THSD4: variants seen among roughly 807,000 people sequenced by gnomAD.
The protein encoded by THSD4 is thrombospondin type 1 domain containing 4.
A neutral mutation model predicts 119.0 loss-of-function variants in THSD4; 69 were observed. That is an observed-to-expected ratio of 0.58 (90% confidence interval 0.48 to 0.71). THSD4 has a LOEUF of 0.71. Ranked by LOEUF, THSD4 falls within the 30% of genes least tolerant of loss-of-function variation. THSD4 has a pLI of 0.00. For synonymous variants in THSD4, 524 were observed against 540.4 expected, an observed-to-expected ratio of 0.97 and a Z score of 0.42; for missense variants, 1,393 against 1,391.1, an observed-to-expected ratio of 1.00 and a Z score of -0.02.
chr15:71,403,085 G>T (rs1362911700), intron 6 of THSD4, among the ~76,000 whole-genome samples: 4 of 152,152 alleles, frequency 2.6e-5, no homozygotes, highest in African/African-American at 7.2e-5. Context: ...ACCTGCTCTA[G>T]TCTTTTCCTA....
intron 6 of THSD4, among the ~76,000 whole-genome samples, chr15:71,325,192 G>T (rs975241416): frequency 6.6e-6 from 1 of 152,152 alleles, no homozygotes; most frequent in Admixed American, 6.5e-5. Flanking sequence ...GTTATGTATA[G>T]ATTTGACTTG....
chr15:71,632,277 T>C lies in THSD4; in HGVS notation c.1153-28253T>C, dbSNP rs556485281. On this transcript the variant is annotated intron_variant, in intron 7 of 17. Transcript: ENST00000261862. ...CGTTGCCTGAGTTCTGTACCACCAG[T>C]CACCCTTGGGGTTGAAAAGGAGAGA... Among the ~76,000 whole-genome samples, 29 of 152,300 alleles carry C rather than the reference T, an allele frequency of 1.9e-4. 1 individual carries two copies. In the South Asian group the frequency reaches 6.0e-3, roughly 32 times the overall value.
At chr15:71,745,378 T>G in intron 12 of THSD4, 143 bp downstream of exon 12, 1 of 1,135,976 alleles carries the variant, frequency 8.8e-7, no homozygotes, top group Non-Finnish European at 1.2e-6. Flanking sequence ...GCAGTCTGTT[T>G]AGCAGGCACA....
At chr15:71,562,735 T>C (rs1488996732) in intron 7 of THSD4, among the ~76,000 whole-genome samples, 2 of 142,782 alleles carry the variant, frequency 1.4e-5, no homozygotes, top group Admixed American at 1.5e-4. Context: ...GGAGTTTGGC[T>C]CTTGTTGCCC....
intron 6 of THSD4, among the ~76,000 whole-genome samples, chr15:71,258,609 A>T (rs78024219): frequency 1.3e-5 from 2 of 152,226 alleles, no homozygotes; most frequent in Non-Finnish European, 2.9e-5. Flanking sequence ...TCTTGAAGGC[A>T]TTGTACTCCC....
intron 7 of THSD4, among the ~76,000 whole-genome samples, chr15:71,587,800 G>GAAAAAAAAAAAAAAAAAACAAAAA (rs1555429620): frequency 2.6e-5 from 1 of 39,142 alleles, no homozygotes; most frequent in Non-Finnish European, 5.9e-5. Flanking sequence ...AAAAAAAAAA[G>GAAAAAAAAAAAAAAAAAACAAAAA]AAAAAAAAAA....
chr15:71,469,850 C>T (rs2047549188), intron 7 of THSD4, among the ~76,000 whole-genome samples: 1 of 152,038 alleles, frequency 6.6e-6, no homozygotes, highest in South Asian at 2.1e-4. Context: ...ACAACATGTG[C>T]TAAATGATAT....
chr15:71,475,049 G>C (rs1372728815), intron 7 of THSD4, among the ~76,000 whole-genome samples: 1 of 152,202 alleles, frequency 6.6e-6, no homozygotes, highest in Non-Finnish European at 1.5e-5. Context: ...CCAGCAGTCT[G>C]TGGTTTACCA....
At chr15:71,349,460 A>G (rs1197697639) in intron 6 of THSD4, among the ~76,000 whole-genome samples, 5 of 147,848 alleles carry the variant, frequency 3.4e-5, no homozygotes, top group Non-Finnish European at 7.4e-5. Flanking sequence ...TGCCCCTATC[A>G]ACATGTCTTG....
At chr15:71,618,628 C>T (rs959757182) in intron 7 of THSD4, among the ~76,000 whole-genome samples, 1 of 152,180 alleles carries the variant, frequency 6.6e-6, no homozygotes, top group African/African-American at 2.4e-5. Context: ...GGCTGGAGTG[C>T]AGTGGCACAA....
intron 8 of THSD4, among the ~76,000 whole-genome samples, chr15:71,673,541 T>G (rs950167880): frequency 2.6e-5 from 4 of 152,174 alleles, no homozygotes; most frequent in Middle Eastern, 3.2e-3. Context: ...GCTTTTGAAT[T>G]TGTTTGCTCT....
At chr15:71,768,655 C>G (rs1431773138) in intron 16 of THSD4, among the ~76,000 whole-genome samples, 2 of 149,932 alleles carry the variant, frequency 1.3e-5, no homozygotes, top group African/African-American at 4.9e-5. Context: ...ACCTCTGCCT[C>G]CCAGGTTCAC....
chr15:71,585,506 C>T (rs1325064628), intron 7 of THSD4, among the ~76,000 whole-genome samples: 1 of 152,120 alleles, frequency 6.6e-6, no homozygotes, highest in Non-Finnish European at 1.5e-5. Flanking sequence ...ATTGAAAATT[C>T]TCTCTTTGTA....
intron 7 of THSD4, among the ~76,000 whole-genome samples, chr15:71,442,430 G>A (rs1410489441): frequency 1.2e-4 from 18 of 150,518 alleles, no homozygotes; most frequent in African/African-American, 3.9e-4. Context: ...TTAGCTGGGC[G>A]TGGTGGCACA....
intron 8 of THSD4, among the ~76,000 whole-genome samples, chr15:71,697,165 G>T (rs1380650590): frequency 2.0e-5 from 3 of 152,170 alleles, no homozygotes; most frequent in African/African-American, 7.2e-5. Context: ...GGAAGCATGA[G>T]GGAAAATGTG....
At chr15:71,319,450 G>A (rs917945420) in intron 6 of THSD4, among the ~76,000 whole-genome samples, 8 of 142,530 alleles carry the variant, frequency 5.6e-5, no homozygotes, top group South Asian at 2.2e-4. Flanking sequence ...GCCCTGTGTC[G>A]AAGTGTTCTC....
chr15:71,267,013 A>G (rs183045093), intron 6 of THSD4, among the ~76,000 whole-genome samples: 1 of 152,290 alleles, frequency 6.6e-6, no homozygotes, highest in Non-Finnish European at 1.5e-5. Flanking sequence ...TGACGGGAAG[A>G]ATGGAACCAA....
At chr15:71,456,058 A>G (rs1166652993) in intron 7 of THSD4, among the ~76,000 whole-genome samples, 1 of 152,200 alleles carries the variant, frequency 6.6e-6, no homozygotes, top group African/African-American at 2.4e-5. Context: ...CTTAACTGGG[A>G]TCCCCTCTTA....
intron 7 of THSD4, among the ~76,000 whole-genome samples, chr15:71,574,967 T>G (rs558177938): frequency 5.7e-4 from 87 of 152,134 alleles, no homozygotes; most frequent in Non-Finnish European, 1.1e-3. Flanking sequence ...TAGTCTTCTG[T>G]GGAATTACCT....
Sources: gnomAD v4.1 joint callset for allele counts (sites outside exome capture counted in the v4.1 genomes callset) on GRCh38, gnomAD v4.1.1 for gene constraint, MANE v1.5 for transcripts, NCBI Gene and HGNC (gene_info 2026-07-23, HGNC 2026-07-21) for gene names.